PTPRG: variants seen among roughly 807,000 people sequenced by gnomAD.
PTPRG encodes the protein receptor-type tyrosine-protein phosphatase gamma.
In PTPRG, 102 loss-of-function variants were observed where a neutral mutation model predicts 165.3. That is an observed-to-expected ratio of 0.62 (90% CI 0.53 to 0.73). The LOEUF (loss-of-function observed/expected upper bound fraction) is 0.73. PTPRG is among the 30% of genes least tolerant of loss of function. PTPRG has a pLI of 0.00. For missense variants in PTPRG, 1,866 were observed against 1,861.4 expected (o/e 1.00, Z -0.05); for synonymous variants, 675 against 669.5 (o/e 1.01, Z -0.13).
chr3:61,887,170 A>ATTTT lies in PTPRG; in HGVS notation c.191-102453_191-102450dup, dbSNP rs869308871. ...TATATATATATATATATATATATATATTTTTAATGCCATCATCAAACACTC... is the reference window on the plus strand; with the variant it reads ...TATATATATATATATATATATATATATTTTTTTTTAATGCCATCATCAAACACTC... On this transcript the variant is annotated intron_variant, in intron 2 of 29. Coordinates refer to ENST00000474889, the MANE Select transcript of PTPRG (RefSeq NM_002841.4). Among the ~76,000 whole-genome samples, 24 of 115,528 alleles carry ATTTT rather than the reference A, an allele frequency of 2.1e-4. No individual in the cohort carries two copies. In the East Asian group the frequency reaches 3.0e-3, roughly 14 times the overall value. The allele number at this position is 115,528 out of a possible 152,430, so 75.8% of individuals were successfully genotyped here. A position where few individuals can be genotyped will look rare whatever the true frequency, so the allele number is the denominator to read the frequency against.
At chr3:61,793,545 T>C (rs2107138250) in intron 2 of PTPRG, among the ~76,000 whole-genome samples, 1 of 152,326 alleles carries the variant, frequency 6.6e-6, no homozygotes, top group East Asian at 1.9e-4. Context: ...TTTTTAATTA[T>C]TTGAGTCAAT....
At chr3:61,813,662 T>C (rs2035664593) in intron 2 of PTPRG, among the ~76,000 whole-genome samples, 1 of 151,756 alleles carries the variant, frequency 6.6e-6, no homozygotes, top group African/African-American at 2.4e-5. Flanking sequence ...GTTGTAGTTG[T>C]AGTCATAATA....
At chr3:62,186,026 C>T (rs1391377256) in intron 8 of PTPRG, among the ~76,000 whole-genome samples, 1 of 152,096 alleles carries the variant, frequency 6.6e-6, no homozygotes, top group African/African-American at 2.4e-5. Flanking sequence ...GAAGGGTTTC[C>T]ATCACTTAAA....
chr3:62,058,862 G>A (rs1353895767), intron 4 of PTPRG, among the ~76,000 whole-genome samples: 3 of 152,172 alleles, frequency 2.0e-5, no homozygotes. Context: ...ACTCCCAAGG[G>A]AAGGGCTCTT....
chr3:61,931,369 A>G (rs1198051421), intron 2 of PTPRG, among the ~76,000 whole-genome samples: 1 of 152,170 alleles, frequency 6.6e-6, no homozygotes, highest in Non-Finnish European at 1.5e-5. Flanking sequence ...GCTTGATGAT[A>G]TTTGGTAAAT....
chr3:62,277,951 T>C (rs1011930954), intron 26 of PTPRG, among the ~76,000 whole-genome samples: 2 of 152,106 alleles, frequency 1.3e-5, no homozygotes, highest in African/African-American at 4.8e-5. Context: ...AAAATGTTTT[T>C]AGTAACCTCA....
At chr3:61,890,325 G>T (rs1051944501) in intron 2 of PTPRG, among the ~76,000 whole-genome samples, 2 of 150,578 alleles carry the variant, frequency 1.3e-5, no homozygotes, top group Non-Finnish European at 2.9e-5. Flanking sequence ...ATCTTAGTCT[G>T]TTTGATTAAC....
intron 1 of PTPRG, among the ~76,000 whole-genome samples, chr3:61,702,125 A>C (rs2030999581): frequency 6.6e-6 from 1 of 152,008 alleles, no homozygotes; most frequent in Non-Finnish European, 1.5e-5. Flanking sequence ...AGTATAGGCG[A>C]GCACCACCAC....
chr3:61,664,746 C>T (rs1702757886), intron 1 of PTPRG, among the ~76,000 whole-genome samples: 1 of 152,046 alleles, frequency 6.6e-6, no homozygotes, highest in African/African-American at 2.4e-5. Flanking sequence ...TGGGAGGCTC[C>T]CTTGAGCCTG....
chr3:62,012,544 G>A (rs1302854125), intron 4 of PTPRG, among the ~76,000 whole-genome samples: 2 of 152,106 alleles, frequency 1.3e-5, no homozygotes, highest in African/African-American at 2.4e-5. Context: ...TCTAAACACA[G>A]AATTCATTTA....
At chr3:61,817,187 AAATAATATATAT>A (rs1559628596) in intron 2 of PTPRG, among the ~76,000 whole-genome samples, 3 of 120,682 alleles carry the variant, frequency 2.5e-5, no homozygotes, top group Admixed American at 9.8e-5. Context: ...ATAATATATA[AAATAATATATAT>A]AATAATATAA....
chr3:61,753,654 A>G (rs1293808211), intron 2 of PTPRG: 1 of 429,018 alleles, frequency 2.3e-6, no homozygotes, highest in Non-Finnish European at 4.5e-6. Flanking sequence ...CCTCGATCTC[A>G]GCTCACTGCA....
chr3:62,101,153 T>A (rs79365938), intron 5 of PTPRG, among the ~76,000 whole-genome samples: 1 of 152,334 alleles, frequency 6.6e-6, no homozygotes, highest in Non-Finnish European at 1.5e-5. Flanking sequence ...GAGTGATGGG[T>A]ACGTAGGAGT....
chr3:61,715,183 G>T (rs1226601168), intron 1 of PTPRG, among the ~76,000 whole-genome samples: 6 of 141,514 alleles, frequency 4.2e-5, no homozygotes, highest in African/African-American at 1.6e-4. Context: ...TTTTTTCTTT[G>T]TTTTTTTTTT....
At chr3:62,168,982 C>T (rs541845623) in intron 8 of PTPRG, among the ~76,000 whole-genome samples, 2 of 152,166 alleles carry the variant, frequency 1.3e-5, no homozygotes, top group African/African-American at 4.8e-5. Context: ...TGGGCAGTCT[C>T]CTCTCTGATT....
chr3:62,011,738 T>C (rs944041542), intron 4 of PTPRG, among the ~76,000 whole-genome samples: 4 of 152,212 alleles, frequency 2.6e-5, no homozygotes, highest in Non-Finnish European at 4.4e-5. Context: ...GAGAAGTTAA[T>C]GCCTGGTTGT....
chr3:62,233,399 A>G lies in PTPRG; in HGVS notation c.2375+2088A>G, dbSNP rs1236061977. 6.6e-6 allele frequency among the ~76,000 whole-genome samples: 1 copy of G among 151,844 alleles called. No homozygotes were observed. Among genetic ancestry groups the G allele is most frequent in the Non-Finnish European group, 1.5e-5 (1 of 67,962 alleles). ...GGCACTTTTGCTGCCTCCTTTCCTGACCCATGTCCATCCTGCTGCTGTTCT... is the reference window on the plus strand; with the variant it reads ...GGCACTTTTGCTGCCTCCTTTCCTGGCCCATGTCCATCCTGCTGCTGTTCT... On this transcript the variant is annotated intron_variant, in intron 14 of 29. Transcript: ENST00000474889. The surrounding 1 kb of genome is among the most constrained non-coding windows in gnomAD (Gnocchi z 4.7).
intron 1 of PTPRG, among the ~76,000 whole-genome samples, chr3:61,734,711 A>C (rs2032651423): frequency 6.6e-6 from 1 of 152,230 alleles, no homozygotes; most frequent in African/African-American, 2.4e-5. Flanking sequence ...TGTATTTATT[A>C]AAAATAAAAA....
chr3:61,831,685 A>G (rs2687147), intron 2 of PTPRG, among the ~76,000 whole-genome samples: 19,721 of 152,174 alleles, frequency 0.13, 3,380 homozygotes, highest in African/African-American at 0.39. Context: ...AGTTAGGAAA[A>G]TGCCAATGAC....
Sources: gnomAD v4.1 joint callset for allele counts (sites outside exome capture counted in the v4.1 genomes callset) on GRCh38, gnomAD v4.1.1 for gene constraint, Gnocchi (gnomAD v3.1) non-coding constraint, MANE v1.5 for transcripts, NCBI Gene and HGNC (gene_info 2026-07-23, HGNC 2026-07-21) for gene names.